The following ITGAV variants were observed in gnomAD, a reference collection of about 807,000 sequenced individuals.
ITGAV encodes the protein integrin subunit alpha V, also known as integrin alpha-V.
In ITGAV, 76 loss-of-function variants were observed where a neutral mutation model predicts 143.8. The observed-to-expected ratio is 0.53, with a 90% CI of 0.44 to 0.64. The LOEUF is 0.64. Among genes scored for constraint, ITGAV ranks in the 30% least tolerant of loss-of-function variants. The pLI is 0.00. For missense variants in ITGAV, 1,193 were observed against 1,274.7 expected (o/e 0.94, Z 0.98); for synonymous variants, 453 against 446.7 (o/e 1.01, Z -0.18).
chr2:186,638,722 T>C (rs1010948696), intron 10 of ITGAV, among the ~76,000 whole-genome samples: 6 of 151,858 alleles, frequency 4.0e-5, no homozygotes, highest in Non-Finnish European at 7.4e-5. Context: ...TTGTCTTGCC[T>C]TTTTCACTCA....
intron 1 of ITGAV, among the ~76,000 whole-genome samples, chr2:186,592,890 C>T (rs1029436486): frequency 9.9e-5 from 15 of 151,972 alleles, no homozygotes; most frequent in East Asian, 3.9e-4. Context: ...TTAAACAAAA[C>T]GTATATAAAC....
At chr2:186,606,626 A>T (rs888277766) in intron 2 of ITGAV, among the ~76,000 whole-genome samples, 10 of 152,056 alleles carry the variant, frequency 6.6e-5, no homozygotes, top group African/African-American at 2.2e-4. Flanking sequence ...CCAACTTTGA[A>T]GTGTGTTTAA....
intron 3 of ITGAV, among the ~76,000 whole-genome samples, chr2:186,625,179 C>T (rs915073429): frequency 6.6e-6 from 1 of 151,888 alleles, no homozygotes; most frequent in Non-Finnish European, 1.5e-5. Flanking sequence ...TAGAGACCAG[C>T]CTGGGAAACA....
Position 186,590,215 on chromosome 2 carries a change from C to T in ITGAV, c.-124C>T. 6 of 796,942 alleles carry T rather than the reference C, an allele frequency of 7.5e-6. No individual in the cohort carries two copies. The highest frequency in any genetic ancestry group is 1.1e-5 in the Non-Finnish European group (6 of 564,578). The allele number at this position is 796,942 out of a possible 1,614,324, so 49.4% of individuals were successfully genotyped here. A position where few individuals can be genotyped will look rare whatever the true frequency, so the allele number is the denominator to read the frequency against. ...TGCCCCGGAGCTGTCCCGGGCTAGC[C>T]GAGAAGAGAGCGGCCGGCAAGTTTG... On this transcript the variant is annotated 5_prime_UTR_variant, in exon 1 of 30. Transcript: ENST00000261023.
chr2:186,612,055 G>A (rs1687231448), intron 2 of ITGAV, among the ~76,000 whole-genome samples: 1 of 152,188 alleles, frequency 6.6e-6, no homozygotes, highest in African/African-American at 2.4e-5. Context: ...TACTAGAACT[G>A]TAGGGAACTA....
rs568955433 is a variant in ITGAV, at chr2:186,593,919, T to C, written c.185+3396T>C. Among the ~76,000 whole-genome samples the C allele has an allele frequency of 1.4e-3, 210 of 152,354 alleles. 2 individuals are homozygous for C. The highest frequency in any genetic ancestry group is 1.4e-3 in the Non-Finnish European group (92 of 68,034). On this transcript the variant is annotated intron_variant, in intron 1 of 29. Coordinates refer to ENST00000261023, the MANE Select transcript of ITGAV (RefSeq NM_002210.5). Reference sequence around the variant, plus strand: ...TAAAATTCATTCTTCAAATATATGTTATACAGTTCTCATTTTATGTATTTC... The same window carrying C: ...TAAAATTCATTCTTCAAATATATGTCATACAGTTCTCATTTTATGTATTTC...
At chr2:186,644,737 T>C (rs1056914272) in intron 12 of ITGAV, among the ~76,000 whole-genome samples, 2 of 152,052 alleles carry the variant, frequency 1.3e-5, no homozygotes, top group African/African-American at 4.8e-5. Context: ...CAGGCACTCT[T>C]CTAGGTGGTG....
rs201391436 is a variant in ITGAV at position 186,602,037 on chromosome 2, G to T, written c.202G>T (p.Val68Leu). The T allele has an allele frequency of 2.5e-6, 4 of 1,608,496 alleles. No individual in the cohort carries two copies. The highest frequency in any genetic ancestry group is 4.5e-5 in the East Asian group (2 of 44,722). Residue 68 changes from valine to leucine, a missense_variant, in exon 2 of 30, where the codon GTG becomes TTG. Physicochemically the swap from Val to Leu is conservative, Grantham distance 32 (BLOSUM62 1). Transcript: ENST00000261023. ...GTATTTTAGCCGGATGTTTCTTCTCGTGGGAGCTCCCAAAGCAAACACCAC... is the reference window on the plus strand; with the variant it reads ...GTATTTTAGCCGGATGTTTCTTCTCTTGGGAGCTCCCAAAGCAAACACCAC... ...PSASSRMFLL[V>L]GAPKANTTQP... is the part of the protein sequence containing the mutation.
chr2:186,610,820 T>C (rs1357125631), intron 2 of ITGAV, among the ~76,000 whole-genome samples: 1 of 152,214 alleles, frequency 6.6e-6, no homozygotes, highest in Non-Finnish European at 1.5e-5. Flanking sequence ...GTAGTAAAGT[T>C]ATTCCAAACT....
chr2:186,636,477 G>A (rs1480199474), intron 7 of ITGAV, among the ~76,000 whole-genome samples: 1 of 152,152 alleles, frequency 6.6e-6, no homozygotes, highest in Non-Finnish European at 1.5e-5. Flanking sequence ...TGTTCAAGGT[G>A]ACTTGGTTTG....
intron 28 of ITGAV, 105 bp from the exon 29 acceptor site, chr2:186,676,708 G>T (rs1689219631): frequency 2.4e-6 from 3 of 1,231,732 alleles, no homozygotes; most frequent in South Asian, 3.3e-5. Flanking sequence ...TGCAGGAAAA[G>T]AATATACTGT....
chr2:186,661,707 C>T lies in ITGAV; in HGVS notation c.1858-2061C>T, dbSNP rs139617904. Among the ~76,000 whole-genome samples the T allele has an allele frequency of 7.7e-3, 1,164 of 151,646 alleles. 15 individuals are homozygous for T. Among genetic ancestry groups the T allele is most frequent in the African/African-American group, 0.027 (1,108 of 41,264 alleles). On this transcript the variant is annotated intron_variant, in intron 18 of 29. Transcript: ENST00000261023. Reference sequence around the variant, plus strand: ...CGCCTCCTGTGTTCAAGCGATTACCCTGCCTCAGCCTCCTGAGTAGCTGGG... The same window carrying T: ...CGCCTCCTGTGTTCAAGCGATTACCTTGCCTCAGCCTCCTGAGTAGCTGGG...
At chr2:186,657,942 G>T (rs1319762689) in intron 17 of ITGAV, among the ~76,000 whole-genome samples, 1 of 146,694 alleles carries the variant, frequency 6.8e-6, no homozygotes, top group Non-Finnish European at 1.5e-5. Context: ...ATTTTAAATA[G>T]CTCTTTGAAA....
At chr2:186,592,806 G>A (rs552297121) in intron 1 of ITGAV, among the ~76,000 whole-genome samples, 5 of 152,238 alleles carry the variant, frequency 3.3e-5, no homozygotes, top group Admixed American at 1.3e-4. Context: ...CTTTGTTACC[G>A]ATAGACTACA....
Position 186,669,731 on chromosome 2 carries a change from G to A in ITGAV, c.2623G>A (p.Asp875Asn), listed in dbSNP as rs1461622790. ...ATCTTTGCAAACAACTGAAAAGAAT[G>A]ACACGGTTGCCGGGCAAGGTGAGCG... ...ISSLQTTEKN[D>N]TVAGQGERDH... The change falls in exon 26 of 30, where the codon GAC (aspartate) becomes AAC (asparagine). Residue 875 changes from aspartate (D) to asparagine (N), a missense_variant. Transcript: ENST00000261023. 1.2e-6 allele frequency: 2 copies of A among 1,613,998 alleles called. No individual in the cohort carries two copies. The highest frequency in any genetic ancestry group is 1.3e-5 in the African/African-American group (1 of 75,030).
intron 13 of ITGAV, 75 bp downstream of exon 13, chr2:186,646,952 A>AT (rs1688280810): frequency 6.2e-6 from 6 of 966,486 alleles, no homozygotes; most frequent in Non-Finnish European, 8.9e-6. Flanking sequence ...ACTGTTCTTG[A>AT]TTTATGTTAT....
intron 21 of ITGAV, among the ~76,000 whole-genome samples, chr2:186,665,634 C>A (rs1688875880): frequency 6.6e-6 from 1 of 152,186 alleles, no homozygotes; most frequent in Admixed American, 6.5e-5. Context: ...TCAGTTAAAT[C>A]AGGCTCCCCT....
intron 26 of ITGAV, among the ~76,000 whole-genome samples, chr2:186,673,787 C>T (rs572896125): frequency 6.6e-6 from 1 of 152,062 alleles, no homozygotes; most frequent in African/African-American, 2.4e-5. Flanking sequence ...TCTGCCTTGG[C>T]CTACCGAGTA....
At chr2:186,643,495 A>T (rs1297810794) in intron 12 of ITGAV, among the ~76,000 whole-genome samples, 1 of 152,178 alleles carries the variant, frequency 6.6e-6, no homozygotes, top group African/African-American at 2.4e-5. Context: ...TTATACATGT[A>T]TATGTTCTAT....
Sources: allele counts gnomAD v4.1 joint callset (sites outside exome capture counted in the v4.1 genomes callset), GRCh38; gene constraint gnomAD v4.1.1; transcripts MANE v1.5; gene names NCBI Gene and HGNC (gene_info 2026-07-23, HGNC 2026-07-21).